Variants in MTERF4 observed in about 807,000 individuals in gnomAD.
MTERF4 encodes transcription termination factor 4, mitochondrial.
Under a neutral mutation model 22.5 loss-of-function variants are expected in MTERF4, and 17 were observed. The ratio of observed to expected loss-of-function variants is 0.75; its 90% CI spans 0.52 to 1.13. The LOEUF (loss-of-function observed/expected upper bound fraction) is 1.13, where lower values mean the gene tolerates loss of function less well. Among genes scored for constraint, MTERF4 ranks in the 50% most tolerant of loss-of-function variants. The probability of loss-of-function intolerance (pLI) is 0.00; values close to 1 mark genes in which losing one functional copy is unlikely to be tolerated. For missense variants in MTERF4, 420 were observed against 466.8 expected, an observed-to-expected ratio of 0.90 and a Z score of 0.92; for synonymous variants, 165 against 175.3, an observed-to-expected ratio of 0.94 and a Z score of 0.47.
At chr2:241,071,718 CAGGTA>C, downstream of MTERF4, 1 of 1,503,670 alleles carries the variant, frequency 6.7e-7, no homozygotes, top group Non-Finnish European at 9.0e-7. Context: ...CCCAGCCCCC[CAGGTA>C]CATGCCCCAC....
At chr2:241,049,689 A>AT in the MTERF4 span, 2 of 667,522 alleles carry the variant, frequency 3.0e-6, no homozygotes, top group Admixed American at 4.7e-5. Flanking sequence ...CACAGAGTGT[A>AT]TTTTCAGTGG....
exon 5 of MTERF4, chr2:241,072,292 C>T (rs1349787029): frequency 2.2e-6 from 1 of 453,556 alleles, no homozygotes; most frequent in Non-Finnish European, 4.4e-6. Context: ...TCCTCCGCCA[C>T]TGTCCTGGCA....
the MTERF4 span, chr2:241,065,102 G>T: frequency 1.2e-6 from 1 of 815,824 alleles, no homozygotes; most frequent in Non-Finnish European, 1.9e-6. Context: ...AAAATCCCCC[G>T]GTGGGCTTGA....
At chr2:241,070,931 G>A (rs371788910), downstream of MTERF4, among the ~76,000 whole-genome samples, 2 of 152,226 alleles carry the variant, frequency 1.3e-5, no homozygotes, top group African/African-American at 4.8e-5. Context: ...TCCCCAACCC[G>A]TGAGGCTGTG....
chr2:241,068,634 G>A (rs1047979531), downstream of MTERF4, among the ~76,000 whole-genome samples: 7 of 151,880 alleles, frequency 4.6e-5, no homozygotes, highest in Non-Finnish European at 1.0e-4. This position sits in a 1 kb window ranked among gnomAD's most constrained non-coding sequence, Gnocchi z 5.3. Context: ...CCCTTCTCTG[G>A]CCTCTCCCAG....
chr2:241,068,374 C>T (rs1451284684), downstream of MTERF4, among the ~76,000 whole-genome samples: 1 of 151,838 alleles, frequency 6.6e-6, no homozygotes, highest in Admixed American at 6.5e-5. This position sits in a 1 kb window ranked among gnomAD's most constrained non-coding sequence, Gnocchi z 5.3. Context: ...CAGCCCCGAG[C>T]TCTCCCAGGA....
the MTERF4 span, chr2:241,065,501 C>T: frequency 5.4e-5 from 87 of 1,612,934 alleles, no homozygotes; most frequent in South Asian, 2.3e-4. Flanking sequence ...CCCTGGCGGC[C>T]GGCAGGGCCT....
downstream of MTERF4, chr2:241,071,967 C>T (rs1354272328): frequency 6.5e-6 from 7 of 1,077,398 alleles, no homozygotes; most frequent in Non-Finnish European, 8.4e-6. Context: ...ACATGATGAG[C>T]CCACCCCCAC....
the MTERF4 span, chr2:241,051,969 C>A: frequency 6.6e-7 from 1 of 1,509,172 alleles, no homozygotes; most frequent in Non-Finnish European, 9.1e-7. The surrounding 1 kb of genome is among the most constrained non-coding windows in gnomAD (Gnocchi z 4.7). Flanking sequence ...CATGAAGAGG[C>A]CCCAGCTCTG....
downstream of MTERF4, among the ~76,000 whole-genome samples, chr2:241,084,134 AT>A (rs368364855): frequency 0.043 from 5,322 of 123,222 alleles, 252 homozygotes; most frequent in African/African-American, 0.15. Flanking sequence ...AGCGTCTAGG[AT>A]TTTTTTTTTT....
the MTERF4 span, among the ~76,000 whole-genome samples, chr2:241,043,681 G>A: frequency 6.6e-6 from 1 of 152,082 alleles, no homozygotes; most frequent in African/African-American, 2.4e-5. Flanking sequence ...TAAAATAGAT[G>A]ACTCCAATAA....
downstream of MTERF4, chr2:241,087,691 TGGGTGCTGGGGG>T: frequency 7.3e-7 from 1 of 1,370,850 alleles, no homozygotes; most frequent in African/African-American, 1.5e-5. Context: ...CCGGGCATGC[TGGGTGCTGGGGG>T]GGGTCACTCT....
Position 241,096,137 on chromosome 2 carries a change from C to G in MTERF4, c.1007G>C (p.Arg336Thr). ...ESESSTSDDK[R>T]ASLDEDEDDD... ...ATCCTCATCCTCATCCAGACTTGCC[C>G]TTTTGTCATCAGATGTGCTGCTCTC... The change falls in exon 4 of 4, where the codon AGG becomes ACG. Residue 336 changes from arginine (R) to threonine (T), a missense_variant. By Grantham distance (71) the Arg-to-Thr change is moderately conservative (BLOSUM62 -1). Coordinates refer to ENST00000391980, the MANE Select transcript of MTERF4 (RefSeq NM_182501.4). This position sits in a 1 kb window ranked among gnomAD's most constrained non-coding sequence, Gnocchi z 5.1. The G allele has an allele frequency of 6.2e-7, 1 of 1,614,080 alleles. No individual in the cohort carries two copies. The highest frequency in any genetic ancestry group is 8.5e-7 in the Non-Finnish European group (1 of 1,180,024).
intron 2 of MTERF4, among the ~76,000 whole-genome samples, chr2:241,098,585 G>A (rs752663952): frequency 2.0e-5 from 3 of 152,170 alleles, no homozygotes; most frequent in Non-Finnish European, 2.9e-5. Context: ...AGAAGGGAAG[G>A]CCACTCCACG....
the MTERF4 span, chr2:241,065,421 G>A: frequency 8.1e-6 from 13 of 1,612,946 alleles, no homozygotes; most frequent in South Asian, 6.6e-5. Flanking sequence ...GGTCACCTAC[G>A]TCTCCTCCGA....
intron 4 of MTERF4, chr2:241,081,715 G>A (rs2063337690): frequency 1.9e-6 from 3 of 1,609,384 alleles, no homozygotes; most frequent in African/African-American, 1.3e-5. Flanking sequence ...CTGTCAGAAC[G>A]GAGGCACTTG....
At chr2:241,079,769 A>G (rs1575105999) in intron 4 of MTERF4, among the ~76,000 whole-genome samples, 1 of 152,234 alleles carries the variant, frequency 6.6e-6, no homozygotes, top group Non-Finnish European at 1.5e-5. Context: ...AGCGATTTTA[A>G]TAAGAGTAGT....
At chr2:241,077,439 A>C (rs1400885075) in intron 4 of MTERF4, among the ~76,000 whole-genome samples, 8 of 152,182 alleles carry the variant, frequency 5.3e-5, no homozygotes. Flanking sequence ...TCAAAACTTA[A>C]AACTTCTGTG....
At chr2:241,082,326 G>A (rs2063367373), downstream of MTERF4, 1 of 1,613,576 alleles carries the variant, frequency 6.2e-7, no homozygotes, top group Non-Finnish European at 8.5e-7. Context: ...CCGAGACAAA[G>A]GCCTTTCCAG....
Sources: gnomAD v4.1 joint callset for allele counts (sites outside exome capture counted in the v4.1 genomes callset) on GRCh38, gnomAD v4.1.1 for gene constraint, Gnocchi (gnomAD v3.1) non-coding constraint, MANE v1.5 for transcripts, NCBI Gene and HGNC (gene_info 2026-07-23, HGNC 2026-07-21) for gene names.